The following LRP1B variants were observed in gnomAD, a reference collection of about 807,000 sequenced individuals.
LRP1B encodes the protein low-density lipoprotein receptor-related protein 1B.
Under a neutral mutation model 556.6 loss-of-function variants are expected in LRP1B, and 217 were observed. That is an observed-to-expected ratio of 0.39 (90% CI 0.35 to 0.44). LRP1B has a LOEUF of 0.44. Among genes scored for constraint, LRP1B ranks in the 20% least tolerant of loss-of-function variants. The probability of loss-of-function intolerance (pLI) is 1.00; values close to 1 mark genes in which losing one functional copy is unlikely to be tolerated. For missense variants in LRP1B, 5,053 were observed against 5,620.8 expected (o/e 0.90, Z 3.23); for synonymous variants, 2,047 against 1,865.8 (o/e 1.10, Z -2.50).
chr2:141,423,814 T>C (rs908115627), intron 3 of LRP1B, among the ~76,000 whole-genome samples: 9 of 111,666 alleles, frequency 8.1e-5, no homozygotes, highest in African/African-American at 2.0e-4. Context: ...ATTATCTTTT[T>C]CCCTGTCTAT....
At chr2:140,343,937 G>A (rs931392718) in intron 77 of LRP1B, among the ~76,000 whole-genome samples, 1 of 151,586 alleles carries the variant, frequency 6.6e-6, no homozygotes, top group African/African-American at 2.4e-5. Flanking sequence ...GGCAGGGTCT[G>A]GGGGAATAGA....
rs567695481 is a variant in LRP1B, at chr2:140,234,556, A to T, written c.13659+230T>A. ...CTGTAAAGGGACAATAACATTTCCA[A>T]ATCCAGTAGAAGAGATATTTCTACT... On this transcript the variant is annotated intron_variant, in intron 90 of 90. Coordinates refer to ENST00000389484, the MANE Select transcript of LRP1B (RefSeq NM_018557.3). Among the ~76,000 whole-genome samples the T allele has an allele frequency of 2.6e-5, 4 of 151,464 alleles. No homozygotes were observed. The East Asian group carries it at 7.8e-4, about 30-fold the overall frequency.
chr2:140,785,565 A>G (rs546518991), intron 32 of LRP1B, among the ~76,000 whole-genome samples: 28 of 152,320 alleles, frequency 1.8e-4, no homozygotes, highest in African/African-American at 6.7e-4. Flanking sequence ...ATCAAAATCA[A>G]TATCACCAAT....
At chr2:140,269,200 AAACC>A in intron 86 of LRP1B, 1 of 457,622 alleles carries the variant, frequency 2.2e-6, no homozygotes, top group South Asian at 1.6e-5. Flanking sequence ...TTCATGATTT[AAACC>A]AATGAACTGT....
rs865948395 is a variant in LRP1B at position 141,026,681 on chromosome 2, A to G, written c.1790-6579T>C. ...TGTGGTAAAGGAGGCCAAGTTCTTA[A>G]TAATAATTTATCTAATAACATCTTT... On this transcript the variant is annotated intron_variant, in intron 11 of 90. Transcript: ENST00000389484. Among the ~76,000 whole-genome samples, 10 of 152,076 alleles carry G rather than the reference A, an allele frequency of 6.6e-5. No homozygotes were observed. In the South Asian group the frequency reaches 8.3e-4, roughly 13 times the overall value.
At chr2:141,532,460 G>T (rs1295589949) in intron 2 of LRP1B, among the ~76,000 whole-genome samples, 8 of 151,680 alleles carry the variant, frequency 5.3e-5, no homozygotes, top group Non-Finnish European at 2.9e-5. Context: ...TTATCTCTGA[G>T]TTAGAAGTTA....
intron 2 of LRP1B, among the ~76,000 whole-genome samples, chr2:141,548,929 C>A (rs936526718): frequency 6.6e-6 from 1 of 151,470 alleles, no homozygotes; most frequent in Non-Finnish European, 1.5e-5. Context: ...TATCTGGTGT[C>A]TTTTTAAACG....
At chr2:141,387,407 A>G (rs866151579) in intron 3 of LRP1B, among the ~76,000 whole-genome samples, 2 of 152,118 alleles carry the variant, frequency 1.3e-5, no homozygotes, top group Non-Finnish European at 2.9e-5. Context: ...TAAAAGACAA[A>G]TAATTGGCAA....
chr2:140,818,272 T>C (rs1387496482), intron 31 of LRP1B, among the ~76,000 whole-genome samples: 1 of 152,126 alleles, frequency 6.6e-6, no homozygotes, highest in Non-Finnish European at 1.5e-5. Context: ...ATAATCAAAA[T>C]CTTCTAAATA....
chr2:140,975,209 G>A (rs1256797060), intron 18 of LRP1B, among the ~76,000 whole-genome samples: 1 of 152,072 alleles, frequency 6.6e-6, no homozygotes, highest in African/African-American at 2.4e-5. Flanking sequence ...AAGTTATGGG[G>A]AATAAAAGAA....
At chr2:140,866,517 T>C (rs985165107) in intron 27 of LRP1B, among the ~76,000 whole-genome samples, 2 of 152,052 alleles carry the variant, frequency 1.3e-5, no homozygotes, top group East Asian at 1.9e-4. Flanking sequence ...ATGTAAGCAG[T>C]AGATATAGAA....
In LRP1B at chr2:140,247,079, A is replaced by C; in HGVS notation, c.13324+7T>G. ...GATTACCCAAAATATTAATCTGAGA[A>C]ACTTACTTGTGCTGATATGATCAGA... is the stretch of plus-strand genomic sequence containing the variant. On this transcript the variant is annotated splice_region_variant and intron_variant, in intron 87 of 90. Transcript: ENST00000389484. 6.2e-7 allele frequency: 1 copy of C among 1,604,326 alleles called. No homozygotes were observed.
intron 1 of LRP1B, among the ~76,000 whole-genome samples, chr2:141,914,586 T>G (rs999334047): frequency 6.6e-6 from 1 of 152,190 alleles, no homozygotes; most frequent in African/African-American, 2.4e-5. Context: ...GATGATATGA[T>G]TCCATACCTA....
At chr2:140,630,570 G>C (rs771967272) in intron 41 of LRP1B, among the ~76,000 whole-genome samples, 4 of 152,174 alleles carry the variant, frequency 2.6e-5, no homozygotes, top group Admixed American at 6.5e-5. Flanking sequence ...ACTTTAGTAA[G>C]AGTGAGAAAC....
At chr2:141,820,976 AG>A (rs1429062764) in intron 1 of LRP1B, among the ~76,000 whole-genome samples, 3 of 152,206 alleles carry the variant, frequency 2.0e-5, no homozygotes, top group African/African-American at 7.2e-5. Flanking sequence ...AGATTATCCT[AG>A]TGGGCCCAAT....
At chr2:140,901,059 G>A (rs1694090942) in intron 23 of LRP1B, among the ~76,000 whole-genome samples, 1 of 152,070 alleles carries the variant, frequency 6.6e-6, no homozygotes, top group Non-Finnish European at 1.5e-5. Flanking sequence ...ATTTTTGTGA[G>A]TACATAGTAG....
intron 21 of LRP1B, among the ~76,000 whole-genome samples, chr2:140,915,790 G>A (rs1694557470): frequency 6.6e-6 from 1 of 151,978 alleles, no homozygotes; most frequent in South Asian, 2.1e-4. Context: ...TACAACAAAA[G>A]GTTTAAAACT....
At chr2:141,069,280 T>C (rs1176512682) in intron 7 of LRP1B, among the ~76,000 whole-genome samples, 2 of 152,044 alleles carry the variant, frequency 1.3e-5, no homozygotes, top group African/African-American at 2.4e-5. Flanking sequence ...GAGCCAGGAG[T>C]TAACTCGGCA....
At chr2:141,926,649 C>T (rs1323016413) in intron 1 of LRP1B, among the ~76,000 whole-genome samples, 1 of 152,116 alleles carries the variant, frequency 6.6e-6, no homozygotes, top group African/African-American at 2.4e-5. Context: ...TACTTTGAAG[C>T]AAAGTTCACA....
Sources: allele counts gnomAD v4.1 joint callset (sites outside exome capture counted in the v4.1 genomes callset), GRCh38; gene constraint gnomAD v4.1.1; transcripts MANE v1.5; gene names NCBI Gene and HGNC (gene_info 2026-07-23, HGNC 2026-07-21).